Variants in PREX1 observed in about 807,000 individuals in gnomAD.
The protein encoded by PREX1 is phosphatidylinositol 3,4,5-trisphosphate-dependent Rac exchanger 1 protein.
A neutral mutation model predicts 198.3 loss-of-function variants in PREX1; 41 were observed. The ratio of observed to expected loss-of-function variants is 0.21; its 90% CI spans 0.16 to 0.27. The LOEUF (loss-of-function observed/expected upper bound fraction) is 0.27, where lower values mean the gene tolerates loss of function less well. Ranked by LOEUF, PREX1 falls within the 10% of genes least tolerant of loss-of-function variation. The probability of loss-of-function intolerance (pLI) is 1.00; values close to 1 mark genes in which losing one functional copy is unlikely to be tolerated. For synonymous variants in PREX1, 843 were observed against 887.2 expected (o/e 0.95, Z 0.89); for missense variants, 1,620 against 2,200.7 (o/e 0.74, Z 5.28).
At chr20:48,817,050 T>C (rs975818958) in intron 1 of PREX1, among the ~76,000 whole-genome samples, 7 of 152,160 alleles carry the variant, frequency 4.6e-5, no homozygotes, top group African/African-American at 1.2e-4. Flanking sequence ...AGGCTGTAAA[T>C]GAAACAGGAT....
chr20:48,701,267 A>G (rs1230293317), intron 6 of PREX1, among the ~76,000 whole-genome samples: 3 of 152,072 alleles, frequency 2.0e-5, no homozygotes, highest in African/African-American at 4.8e-5. Context: ...GCTGGAGTGC[A>G]ATGGCGCGAT....
At chr20:48,839,894 G>A in the PREX1 span, among the ~76,000 whole-genome samples, 2 of 152,218 alleles carry the variant, frequency 1.3e-5, no homozygotes, top group Non-Finnish European at 2.9e-5. Flanking sequence ...TGTCTCCCTG[G>A]AGGAGAGCCA....
At chr20:48,644,335 TA>T in intron 27 of PREX1, 73 bp downstream of exon 27, 1 of 1,277,164 alleles carries the variant, frequency 7.8e-7, no homozygotes, top group Non-Finnish European at 1.1e-6. Flanking sequence ...GAAAGTATAA[TA>T]AAATAAACTA....
the PREX1 span, among the ~76,000 whole-genome samples, chr20:48,883,010 C>A: frequency 6.7e-6 from 1 of 149,272 alleles, no homozygotes; most frequent in East Asian, 2.0e-4. Flanking sequence ...TGGCCCACTG[C>A]GACCTCTCAG....
intron 17 of PREX1, among the ~76,000 whole-genome samples, chr20:48,657,835 G>A (rs1245753233): frequency 6.6e-6 from 1 of 152,198 alleles, no homozygotes; most frequent in Non-Finnish European, 1.5e-5. Flanking sequence ...TCAAGCCACT[G>A]TGACTGGTTG....
At chr20:48,702,624 C>T (rs1324236021) in intron 6 of PREX1, among the ~76,000 whole-genome samples, 1 of 152,194 alleles carries the variant, frequency 6.6e-6, no homozygotes, top group African/African-American at 2.4e-5. Flanking sequence ...TGGTGGGATA[C>T]ACTGCAGCGG....
At chr20:48,855,314 C>G in the PREX1 span, among the ~76,000 whole-genome samples, 352 of 152,184 alleles carry the variant, frequency 2.3e-3, 2 homozygotes, top group South Asian at 6.2e-3. Context: ...ATTTTAACCA[C>G]TTTATTTTTT....
the PREX1 span, among the ~76,000 whole-genome samples, chr20:48,879,615 A>C: frequency 6.6e-6 from 1 of 152,204 alleles, no homozygotes; most frequent in Non-Finnish European, 1.5e-5. Context: ...CTCTGGGTAC[A>C]TCTGTCAACT....
At chr20:48,640,025 C>T in intron 29 of PREX1, 131 bp from the exon 30 acceptor site, 7 of 1,267,296 alleles carry the variant, frequency 5.5e-6, no homozygotes, top group Non-Finnish European at 7.7e-6. Context: ...TGGCAGGACT[C>T]CTGGGCATTA....
intron 30 of PREX1, among the ~76,000 whole-genome samples, chr20:48,638,318 A>T (rs376626128): frequency 5.9e-5 from 9 of 152,160 alleles, no homozygotes; most frequent in African/African-American, 1.9e-4. Flanking sequence ...CCACACAGAC[A>T]CACAACAGAC....
intron 1 of PREX1, among the ~76,000 whole-genome samples, chr20:48,759,549 C>CAAAAAAAAAAAAA (rs386393896): frequency 8.1e-5 from 6 of 73,968 alleles, no homozygotes; most frequent in East Asian, 4.1e-4. Flanking sequence ...GATTCCATCT[C>CAAAAAAAAAAAAA]AAAAAAAAAA....
the PREX1 span, among the ~76,000 whole-genome samples, chr20:48,870,345 A>G: frequency 1.3e-5 from 2 of 152,206 alleles, no homozygotes; most frequent in Middle Eastern, 3.4e-3. Flanking sequence ...AACTTTCCCA[A>G]CTCCAACTCT....
At chr20:48,695,810 A>T (rs1455656075) in intron 7 of PREX1, among the ~76,000 whole-genome samples, 1 of 152,240 alleles carries the variant, frequency 6.6e-6, no homozygotes, top group Non-Finnish European at 1.5e-5. Flanking sequence ...AAAGGGCCAA[A>T]TAGTACACAT....
intron 4 of PREX1, among the ~76,000 whole-genome samples, chr20:48,726,936 C>T (rs1268674523): frequency 6.6e-6 from 1 of 152,182 alleles, no homozygotes; most frequent in African/African-American, 2.4e-5. Context: ...AATGAGATAA[C>T]CAGGGCCACA....
chr20:48,636,821 G>A lies in PREX1; in HGVS notation c.3947-138C>T. The A allele has an allele frequency of 4.1e-6, 3 of 732,794 alleles. 1 individual carries two copies. The highest frequency in any genetic ancestry group is 6.4e-6 in the Non-Finnish European group (3 of 467,872). The allele number at this position is 732,794 out of a possible 1,614,324, so 45.4% of individuals were successfully genotyped here. ...AACATCAGGCCAGAAATTACTTTTT[G>A]GTGGACATCCCAGCCACCAAAAGCC... On this transcript the variant is annotated intron_variant, in intron 31 of 39. Coordinates refer to ENST00000371941, the MANE Select transcript of PREX1 (RefSeq NM_020820.4).
intron 7 of PREX1, among the ~76,000 whole-genome samples, chr20:48,693,188 G>GTCCGTCCA (rs1555835929): frequency 5.6e-4 from 85 of 150,918 alleles, no homozygotes; most frequent in African/African-American, 1.6e-3. Flanking sequence ...CTGGCAGTCC[G>GTCCGTCCA]TCCATCCATC....
intron 5 of PREX1, among the ~76,000 whole-genome samples, chr20:48,719,222 C>A (rs1189214022): frequency 6.6e-6 from 1 of 152,140 alleles, no homozygotes; most frequent in Non-Finnish European, 1.5e-5. Flanking sequence ...CCAGGTTGGA[C>A]CCCACAAAAG....
At chr20:48,717,586 C>CA (rs371116948) in intron 5 of PREX1, among the ~76,000 whole-genome samples, 32 of 149,930 alleles carry the variant, frequency 2.1e-4, no homozygotes, top group East Asian at 3.9e-4. Flanking sequence ...CCCAGCATTG[C>CA]AAAAAAAAAC....
chr20:48,691,038 G>C lies in PREX1; in HGVS notation c.1095C>G (p.Ala365=), dbSNP rs762285895. 1 of 1,614,188 alleles carries C rather than the reference G, an allele frequency of 6.2e-7. No homozygotes were observed. Among genetic ancestry groups the C allele is most frequent in the Non-Finnish European group, 8.5e-7 (1 of 1,180,038 alleles). Residue 365 remains alanine, a synonymous_variant, in exon 9 of 40, where the codon GCC becomes GCG. Coordinates refer to ENST00000371941, the MANE Select transcript of PREX1 (RefSeq NM_020820.4). The surrounding 1 kb of genome is among the most constrained non-coding windows in gnomAD (Gnocchi z 5.0). The part of the protein sequence containing the change: ...VTNGWKIHNT[A]KNKWFVCMAK... ...CCATGCAGACAAACCACTTATTCTT[G>C]GCCGTGTTGTGGATCTTCCAGCCGT... is the stretch of plus-strand genomic sequence containing the variant.
Sources: allele counts gnomAD v4.1 joint callset (sites outside exome capture counted in the v4.1 genomes callset), GRCh38; gene constraint gnomAD v4.1.1; non-coding constraint Gnocchi (gnomAD v3.1); transcripts MANE v1.5; gene names NCBI Gene and HGNC (gene_info 2026-07-23, HGNC 2026-07-21).